ST14: variants seen among roughly 807,000 people sequenced by gnomAD.
ST14 encodes ST14 transmembrane serine protease matriptase, also known as suppressor of tumorigenicity 14 protein.
ST14 carries 40 observed loss-of-function variants against 96.5 expected under a neutral mutation model. That is an observed-to-expected ratio of 0.41 (90% confidence interval 0.32 to 0.54). The LOEUF is 0.54. Ranked by LOEUF, ST14 falls within the 20% of genes least tolerant of loss-of-function variation. ST14 has a pLI of 0.17. For missense variants in ST14, 1,066 were observed against 1,188.9 expected (o/e 0.90, Z 1.52); for synonymous variants, 506 against 492.1 (o/e 1.03, Z -0.37).
rs1007851465 is a variant in ST14 at position 130,179,900 on chromosome 11, C to A, written c.82-8214C>A. Reference sequence around the variant, plus strand: ...GAGCGGCCACGAGGTTGTGCTGGCTCGGTCTTTCCCTTGCAAAGGAAGGCA... The same window carrying A: ...GAGCGGCCACGAGGTTGTGCTGGCTAGGTCTTTCCCTTGCAAAGGAAGGCA... On this transcript the variant is annotated intron_variant, in intron 1 of 18. Coordinates refer to ENST00000278742, the MANE Select transcript of ST14 (RefSeq NM_021978.4). 2.6e-5 allele frequency among the ~76,000 whole-genome samples: 4 copies of A among 152,284 alleles called. No homozygotes were observed. The South Asian group carries it at 6.2e-4, about 24-fold the overall frequency.
intron 9 of ST14, 120 bp downstream of exon 9, chr11:130,194,857 T>C (rs540815099): frequency 1.1e-4 from 13 of 114,278 alleles, no homozygotes; most frequent in African/African-American, 7.4e-4. Flanking sequence ...TGTGCATGTG[T>C]GTGTGTGTGT....
At chr11:130,209,615 G>A (rs1354198795) in intron 18 of ST14, 37 bp downstream of exon 18, 4 of 1,576,646 alleles carry the variant, frequency 2.5e-6, no homozygotes, top group East Asian at 4.7e-5. Context: ...GGTGGGCCCC[G>A]GGAGAGGCGG....
chr11:130,208,635 T>G lies in ST14; in HGVS notation c.2220T>G (p.Pro740=). 1 of 1,614,034 alleles carries G rather than the reference T, an allele frequency of 6.2e-7. No homozygotes were observed. Residue 740 remains proline (P), a synonymous_variant, in exon 17 of 19, where the codon CCT becomes CCG. Coordinates refer to ENST00000278742, the MANE Select transcript of ST14 (RefSeq NM_021978.4). ...TGCCGGACGCCTCCCATGTCTTCCC[T>G]GCCGGCAAGGCCATCTGGGTCACGG... The part of the protein sequence containing the change: ...ICLPDASHVF[P]AGKAIWVTGW...
intron 1 of ST14, among the ~76,000 whole-genome samples, chr11:130,180,716 T>G (rs1418463740): frequency 1.3e-5 from 2 of 152,348 alleles, no homozygotes; most frequent in Middle Eastern, 6.8e-3. Flanking sequence ...GGCTCAGCAT[T>G]TAGCTTTCAG....
In ST14 at chr11:130,188,188, G is replaced by T. The variant is rs778408676; in HGVS notation, c.156G>T (p.Pro52=). Residue 52 remains proline, a synonymous_variant, in exon 2 of 19, where the codon CCG becomes CCT. Transcript: ENST00000278742. This position sits in a 1 kb window ranked among gnomAD's most constrained non-coding sequence, Gnocchi z 5.4. ...TCAAGAAGGTGGAAAAGCATGGCCC[G>T]GGGCGCTGGGTGGTGCTGGCAGCCG... ...NNVKKVEKHG[P]GRWVVLAAVL... The T allele has an allele frequency of 6.2e-7, 1 of 1,614,192 alleles. No homozygotes were observed.
At chr11:130,204,067 C>G (rs955434074) in intron 16 of ST14, among the ~76,000 whole-genome samples, 2 of 152,206 alleles carry the variant, frequency 1.3e-5, no homozygotes, top group African/African-American at 2.4e-5. Context: ...GGACTCCCAG[C>G]CCATCCTCTC....
rs758207075 is a variant in ST14 at position 130,190,536 on chromosome 11, C to G, written c.717C>G (p.Pro239=). ...TTPGFPDSPY[P]AHARCQWALR... ...CCGGCTTCCCTGACAGCCCCTACCC[C>G]GCTCATGCCCGCTGCCAGTGGGCCC... Residue 239 remains proline, a synonymous_variant, in exon 7 of 19, where the codon CCC becomes CCG. Coordinates refer to ENST00000278742, the MANE Select transcript of ST14 (RefSeq NM_021978.4). 11 of 1,611,250 alleles carry G rather than the reference C, an allele frequency of 6.8e-6. No homozygotes were observed. The highest frequency in any genetic ancestry group is 2.7e-5 in the African/African-American group (2 of 74,952).
At chr11:130,194,533 C>A in intron 8 of ST14, 107 bp from the exon 9 acceptor site, 1 of 1,238,606 alleles carries the variant, frequency 8.1e-7, no homozygotes, top group Non-Finnish European at 1.2e-6. Flanking sequence ...TGTGCAGCAT[C>A]CACGCGTCCA....
intron 1 of ST14, among the ~76,000 whole-genome samples, chr11:130,184,457 T>A (rs758005084): frequency 6.6e-6 from 1 of 152,220 alleles, no homozygotes; most frequent in Non-Finnish European, 1.5e-5. Flanking sequence ...TGTTTGGCTA[T>A]ATGTGCTGTT....
Position 130,188,307 on chromosome 11 carries a change from G to A in ST14, c.241+34G>A, listed in dbSNP as rs201800278. On this transcript the variant is annotated intron_variant, in intron 2 of 18. Coordinates refer to ENST00000278742, the MANE Select transcript of ST14 (RefSeq NM_021978.4). The surrounding 1 kb of genome is among the most constrained non-coding windows in gnomAD (Gnocchi z 5.4). ...AGCTGGGGCTGGCTCCGGGGAGGAC[G>A]ACAAGGGGTGGCTGTCCCTCTTCCC... The A allele has an allele frequency of 1.7e-4, 273 of 1,601,722 alleles. No individual in the cohort carries two copies. The African/African-American group carries it at 3.3e-3, about 19-fold the overall frequency.
intron 16 of ST14, among the ~76,000 whole-genome samples, chr11:130,208,022 G>T (rs1054776835): frequency 4.6e-5 from 7 of 152,142 alleles, no homozygotes; most frequent in Non-Finnish European, 1.0e-4. Context: ...AGTGAGCCGA[G>T]ATCATGCCAC....
In ST14 at chr11:130,196,563, C is replaced by G; in HGVS notation, c.1224-7C>G. ...CCTCCTCACCTTGTGCCCCGCCCCC[C>G]CTCCAGATACTGCGGAGAGAGGTCC... On this transcript the variant is annotated splice_region_variant and splice_polypyrimidine_tract_variant and intron_variant, in intron 10 of 18. Coordinates refer to ENST00000278742, the MANE Select transcript of ST14 (RefSeq NM_021978.4). The G allele has an allele frequency of 6.2e-7, 1 of 1,611,062 alleles. No homozygotes were observed. Among genetic ancestry groups the G allele is most frequent in the South Asian group, 1.1e-5 (1 of 91,014 alleles).
Position 130,194,752 on chromosome 11 carries a change from G to GA in ST14, c.1113+15_1113+16insA. On this transcript the variant is annotated intron_variant, in intron 9 of 18. Transcript: ENST00000278742. ...GGAACATTGAGGTAGGAGCTATGGGGCGTGTGAACGTGTGTGTGTGTGAGC... is the reference window on the plus strand; with the variant it reads ...GGAACATTGAGGTAGGAGCTATGGGGACGTGTGAACGTGTGTGTGTGTGAGC... 2 of 1,613,458 alleles carry GA rather than the reference G, an allele frequency of 1.2e-6. No homozygotes were observed. The highest frequency in any genetic ancestry group is 1.7e-6 in the Non-Finnish European group (2 of 1,179,672).
chr11:130,197,414 G>A (rs184351515), intron 11 of ST14, among the ~76,000 whole-genome samples: 2 of 152,370 alleles, frequency 1.3e-5, no homozygotes, highest in Non-Finnish European at 2.9e-5. Flanking sequence ...AAGGAAGTGC[G>A]CGATGCCGCA....
chr11:130,172,652 C>T (rs1006997768), intron 1 of ST14, among the ~76,000 whole-genome samples: 1 of 151,646 alleles, frequency 6.6e-6, no homozygotes, highest in South Asian at 2.1e-4. Flanking sequence ...CTCCTAATCT[C>T]GTGATCCGCC....
At chr11:130,185,586 T>A (rs1466283525) in intron 1 of ST14, among the ~76,000 whole-genome samples, 1 of 151,586 alleles carries the variant, frequency 6.6e-6, no homozygotes, top group African/African-American at 2.4e-5. Flanking sequence ...AGCTCAGGAG[T>A]TCAAGATTAC....
In ST14 at chr11:130,188,708, A is replaced by C. The variant is rs778981240; in HGVS notation, c.369+51A>C. On this transcript the variant is annotated intron_variant, in intron 3 of 18. Coordinates refer to ENST00000278742, the MANE Select transcript of ST14 (RefSeq NM_021978.4). This position sits in a 1 kb window ranked among gnomAD's most constrained non-coding sequence, Gnocchi z 5.4. ...GCTGGGCTGTGTGCGCTGGTGTCCC[A>C]CCTGCTGGGCAGGAGGGACATGCCT... The C allele has an allele frequency of 1.2e-6, 2 of 1,612,728 alleles. No homozygotes were observed. Among genetic ancestry groups the C allele is most frequent in the Non-Finnish European group, 1.7e-6 (2 of 1,179,186 alleles).
intron 1 of ST14, 123 bp downstream of exon 1, chr11:130,160,183 G>A: frequency 1.5e-6 from 1 of 649,102 alleles, no homozygotes; most frequent in East Asian, 3.7e-5. Flanking sequence ...GGGCGCACAG[G>A]TGGAATTTCC....
intron 5 of ST14, 77 bp downstream of exon 5, chr11:130,189,973 G>C: frequency 1.2e-6 from 2 of 1,612,094 alleles, no homozygotes; most frequent in Non-Finnish European, 1.7e-6. Flanking sequence ...GACCATTGCA[G>C]GGGACCGGCA....
Sources: allele counts gnomAD v4.1 joint callset (sites outside exome capture counted in the v4.1 genomes callset), GRCh38; gene constraint gnomAD v4.1.1; non-coding constraint Gnocchi (gnomAD v3.1); transcripts MANE v1.5; gene names NCBI Gene and HGNC (gene_info 2026-07-23, HGNC 2026-07-21).